Variants in KIF16B observed in about 807,000 individuals in gnomAD.
The protein encoded by KIF16B is kinesin-like protein KIF16B.
In KIF16B, 98 loss-of-function variants were observed where a neutral mutation model predicts 156.3. The observed-to-expected ratio is 0.63, with a 90% confidence interval of 0.53 to 0.74. KIF16B has a LOEUF of 0.74. Ranked by LOEUF, KIF16B falls within the 30% of genes least tolerant of loss-of-function variation. The pLI is 0.00. For missense variants in KIF16B, 1,421 were observed against 1,606.5 expected, an observed-to-expected ratio of 0.88 and a Z score of 1.97; for synonymous variants, 564 against 583.7, an observed-to-expected ratio of 0.97 and a Z score of 0.49.
At chr20:16,367,630 T>C (rs1374613528) in intron 22 of KIF16B, 1 of 1,612,638 alleles carries the variant, frequency 6.2e-7, no homozygotes, top group South Asian at 1.1e-5. Flanking sequence ...CATATTTCCA[T>C]GAAGAAAGTA....
At chr20:16,295,494 CTTATAA>C (rs574632338) in intron 25 of KIF16B, among the ~76,000 whole-genome samples, 202 of 149,594 alleles carry the variant, frequency 1.4e-3, no homozygotes, top group Non-Finnish European at 2.1e-3. Context: ...TAAAGTTATA[CTTATAA>C]TTATATATAA....
chr20:16,535,105 A>G (rs571438922), intron 1 of KIF16B, among the ~76,000 whole-genome samples: 1 of 152,214 alleles, frequency 6.6e-6, no homozygotes, highest in South Asian at 2.1e-4. Flanking sequence ...CATTTTAACA[A>G]TATTAATTCT....
At chr20:16,459,741 T>C (rs1277213503) in intron 12 of KIF16B, among the ~76,000 whole-genome samples, 1 of 152,236 alleles carries the variant, frequency 6.6e-6, no homozygotes, top group Non-Finnish European at 1.5e-5. Flanking sequence ...GGATTTTTGC[T>C]AATCTCCTGT....
intron 17 of KIF16B, among the ~76,000 whole-genome samples, chr20:16,402,952 A>G (rs1403643464): frequency 6.6e-6 from 1 of 152,228 alleles, no homozygotes; most frequent in Admixed American, 6.5e-5. Flanking sequence ...TTAGGGAGAA[A>G]AAAGAAAGAC....
At chr20:16,355,118 T>C in intron 23 of KIF16B, among the ~76,000 whole-genome samples, 1 of 152,040 alleles carries the variant, frequency 6.6e-6, no homozygotes, top group Non-Finnish European at 1.5e-5. Flanking sequence ...TTACATCATT[T>C]CCTCAGGAAG....
chr20:16,323,095 T>C (rs2063794596), intron 24 of KIF16B, among the ~76,000 whole-genome samples: 1 of 152,050 alleles, frequency 6.6e-6, no homozygotes, highest in Admixed American at 6.6e-5. Context: ...TCTTTACTAA[T>C]AAAAGGAAAA....
intron 23 of KIF16B, among the ~76,000 whole-genome samples, chr20:16,355,023 C>T (rs1568878670): frequency 6.7e-6 from 1 of 148,740 alleles, no homozygotes; most frequent in Non-Finnish European, 1.5e-5. Context: ...AAACTGATGC[C>T]CTGTTTTTTT....
intron 12 of KIF16B, among the ~76,000 whole-genome samples, chr20:16,453,610 C>G (rs935480285): frequency 6.6e-6 from 1 of 151,886 alleles, no homozygotes; most frequent in South Asian, 2.1e-4. Context: ...TATGGGAAAA[C>G]GCAATGATCA....
In KIF16B at chr20:16,379,431, T is replaced by C; in HGVS notation, c.2571A>G (p.Glu857=). 6.2e-7 allele frequency: 1 copy of C among 1,613,346 alleles called. No homozygotes were observed. Among genetic ancestry groups the C allele is most frequent in the Non-Finnish European group, 8.5e-7 (1 of 1,179,862 alleles). The change falls in exon 19 of 26, where the codon GAA becomes GAG. Residue 857 remains glutamate, a synonymous_variant. Transcript: ENST00000354981. ...ATTTTAAACACTCTAGGATCTCCTGTTCTTCTTGGACTTCTTTTTTCAGGA... is the reference window on the plus strand; with the variant it reads ...ATTTTAAACACTCTAGGATCTCCTGCTCTTCTTGGACTTCTTTTTTCAGGA... The part of the protein sequence containing the change: ...KDILKKEVQE[E]QEILECLKCE...
intron 1 of KIF16B, among the ~76,000 whole-genome samples, chr20:16,569,035 T>G (rs1431595504): frequency 1.3e-5 from 2 of 152,044 alleles, no homozygotes; most frequent in East Asian, 3.9e-4. Context: ...TGAATGGGAT[T>G]AGTACCCTTA....
chr20:16,448,451 G>C (rs2066991978), intron 12 of KIF16B, among the ~76,000 whole-genome samples: 1 of 152,114 alleles, frequency 6.6e-6, no homozygotes, highest in African/African-American at 2.4e-5. Context: ...AGACCACCTA[G>C]CCCAGTCCTT....
intron 17 of KIF16B, among the ~76,000 whole-genome samples, chr20:16,397,392 T>G (rs2065534237): frequency 6.6e-6 from 1 of 152,234 alleles, no homozygotes; most frequent in Admixed American, 6.5e-5. Flanking sequence ...CCAGCAGTAA[T>G]TTCCCAAACT....
intron 11 of KIF16B, among the ~76,000 whole-genome samples, chr20:16,494,808 A>G (rs1206168078): frequency 2.0e-5 from 3 of 152,200 alleles, no homozygotes; most frequent in African/African-American, 7.2e-5. Flanking sequence ...TTTGTAGCTA[A>G]TTAACAGGGC....
At chr20:16,454,571 TGTTTTG>T (rs2067166669) in intron 12 of KIF16B, among the ~76,000 whole-genome samples, 2 of 152,062 alleles carry the variant, frequency 1.3e-5, no homozygotes, top group Admixed American at 1.3e-4. Flanking sequence ...ATTTGAAAGC[TGTTTTG>T]AAACAGCATC....
At chr20:16,556,114 C>T (rs1176919561) in intron 1 of KIF16B, among the ~76,000 whole-genome samples, 1 of 152,198 alleles carries the variant, frequency 6.6e-6, no homozygotes, top group Non-Finnish European at 1.5e-5. Context: ...CTCCCCAGCT[C>T]ATCTTCAGAG....
At chr20:16,363,999 G>A (rs1047216508) in intron 22 of KIF16B, among the ~76,000 whole-genome samples, 1 of 152,102 alleles carries the variant, frequency 6.6e-6, no homozygotes, top group Non-Finnish European at 1.5e-5. Context: ...CAATAAGCCG[G>A]GTTGATCATC....
intron 2 of KIF16B, among the ~76,000 whole-genome samples, 190 bp downstream of exon 2, chr20:16,528,181 T>C (rs1010467613): frequency 2.0e-5 from 3 of 151,946 alleles, no homozygotes; most frequent in Non-Finnish European, 4.4e-5. Context: ...AAGCCAGGAA[T>C]GGGAAAGGAA....
chr20:16,531,999 C>T (rs905664786), intron 1 of KIF16B, among the ~76,000 whole-genome samples: 7 of 145,010 alleles, frequency 4.8e-5, no homozygotes, highest in South Asian at 4.3e-4. Flanking sequence ...ATCCAGGAGG[C>T]GGAGGTTACA....
Position 16,426,167 on chromosome 20 carries a change from A to T in KIF16B, c.1612+937T>A, listed in dbSNP as rs2066346292. ...TTGGGTGGGGACACAGAGCCAAAAC[A>T]TATCAACAGATGAATCCTACATTTA... On this transcript the variant is annotated intron_variant, in intron 15 of 25. Coordinates refer to ENST00000354981, the MANE Select transcript of KIF16B (RefSeq NM_024704.5). Among the ~76,000 whole-genome samples, 4 of 152,306 alleles carry T rather than the reference A, an allele frequency of 2.6e-5. 1 individual carries two copies. The South Asian group carries it at 8.3e-4, about 32-fold the overall frequency.
Sources: allele counts gnomAD v4.1 joint callset (sites outside exome capture counted in the v4.1 genomes callset), GRCh38; gene constraint gnomAD v4.1.1; transcripts MANE v1.5; gene names NCBI Gene and HGNC (gene_info 2026-07-23, HGNC 2026-07-21).